KNTC1: variants seen among roughly 807,000 people sequenced by gnomAD.
The protein encoded by KNTC1 is kinetochore associated 1.
A neutral mutation model predicts 314.4 loss-of-function variants in KNTC1; 253 were observed. The observed-to-expected ratio is 0.80, with a 90% CI of 0.73 to 0.89. KNTC1 has a LOEUF of 0.89. Among genes scored for constraint, KNTC1 ranks in the 40% least tolerant of loss-of-function variants. KNTC1 has a pLI of 0.00. For missense variants in KNTC1, 2,475 were observed against 2,572.9 expected (o/e 0.96, Z 0.82); for synonymous variants, 901 against 901.4 (o/e 1.00, Z 0.01).
Position 122,573,041 on chromosome 12 carries a change from C to T in KNTC1, c.2124C>T (p.Leu708=), listed in dbSNP as rs754814840. ...LHRKYNCKLA[L]SDFEKENTTT... The stretch of plus-strand genomic sequence containing the variant: ...GGAAGTACAACTGCAAATTAGCCCT[C>T]TCTGATTTTGAGAAGGTAAAGTCCA... The change falls in exon 25 of 64, where the codon CTC becomes CTT. Residue 708 remains leucine (L), a synonymous_variant. Coordinates refer to ENST00000333479, the MANE Select transcript of KNTC1 (RefSeq NM_014708.6). The T allele has an allele frequency of 1.2e-6, 2 of 1,612,228 alleles. No homozygotes were observed. The highest frequency in any genetic ancestry group is 4.5e-5 in the East Asian group (2 of 44,842).
chr12:122,609,254 G>A, intron 51 of KNTC1, 130 bp from the exon 52 acceptor site: 2 of 673,038 alleles, frequency 3.0e-6, no homozygotes, highest in South Asian at 1.8e-5. Context: ...CATAATTTAT[G>A]TTATAATTTT....
chr12:122,624,282 T>G (rs1436379296), intron 62 of KNTC1, among the ~76,000 whole-genome samples: 3 of 150,508 alleles, frequency 2.0e-5, no homozygotes, highest in African/African-American at 7.3e-5. Context: ...TTTTCTTTTC[T>G]TTTTGAAATA....
intron 25 of KNTC1, 36 bp from the exon 26 acceptor site, chr12:122,573,106 A>C: frequency 6.2e-7 from 1 of 1,613,704 alleles, no homozygotes; most frequent in Non-Finnish European, 8.5e-7. Flanking sequence ...TTATGGGTAG[A>C]GTCTGTATTT....
chr12:122,582,986 G>C lies in KNTC1; in HGVS notation c.3263+1G>C. 6.2e-7 allele frequency: 1 copy of C among 1,603,036 alleles called. No homozygotes were observed. The highest frequency in any genetic ancestry group is 1.1e-5 in the South Asian group (1 of 90,380). Reference sequence around the variant, plus strand: ...TCAAAACAGCACTGAAAAAATGCAGGTGACATTCCAGATCCCTGAATTGCA... The same window carrying C: ...TCAAAACAGCACTGAAAAAATGCAGCTGACATTCCAGATCCCTGAATTGCA... On this transcript the variant is annotated splice_donor_variant, in intron 34 of 63. Transcript: ENST00000333479. LOFTEE classifies it high-confidence loss of function.
At position 122,590,846 on chromosome 12, in the gene KNTC1, G is replaced by A. The variant is rs939876856; in HGVS notation, c.4128+111G>A. 17 of 1,059,276 alleles carry A rather than the reference G, an allele frequency of 1.6e-5. No homozygotes were observed. In the East Asian group the frequency reaches 4.1e-4, roughly 25 times the overall value. 65.6% of individuals were successfully genotyped at this position (1,059,276 alleles called of 1,614,324 possible). On this transcript the variant is annotated intron_variant, in intron 41 of 63. Coordinates refer to ENST00000333479, the MANE Select transcript of KNTC1 (RefSeq NM_014708.6). ...AAAGATTTAGTAGAAGAAATGTTGA[G>A]CTAACTCGTGATTTCTACCAGCTTC... is the stretch of plus-strand genomic sequence containing the variant.
chr12:122,604,472 A>T (rs944799149), intron 48 of KNTC1, 92 bp from the exon 49 acceptor site: 3 of 695,342 alleles, frequency 4.3e-6, no homozygotes, highest in Non-Finnish European at 6.9e-6. Flanking sequence ...TGTAATTTTT[A>T]AAAAGTTGCT....
At chr12:122,556,004 C>T (rs758893922) in intron 16 of KNTC1, among the ~76,000 whole-genome samples, 1 of 151,960 alleles carries the variant, frequency 6.6e-6, no homozygotes, top group African/African-American at 2.4e-5. Context: ...ACATTTAAAA[C>T]CTACTCTTTT....
intron 16 of KNTC1, among the ~76,000 whole-genome samples, chr12:122,556,209 G>A (rs1342189573): frequency 3.3e-5 from 5 of 150,888 alleles, no homozygotes; most frequent in African/African-American, 1.2e-4. Context: ...GTAGAGACGG[G>A]GTTTTGCCAT....
intron 16 of KNTC1, among the ~76,000 whole-genome samples, chr12:122,552,990 G>C (rs1278233560): frequency 6.6e-6 from 1 of 151,628 alleles, no homozygotes; most frequent in African/African-American, 2.4e-5. Flanking sequence ...TAAAAATACT[G>C]TACTAACAAT....
At chr12:122,581,812 A>T (rs1406926858) in intron 33 of KNTC1, among the ~76,000 whole-genome samples, 1 of 152,196 alleles carries the variant, frequency 6.6e-6, no homozygotes, top group African/African-American at 2.4e-5. Context: ...TAATTTTGTT[A>T]AAATACTTAT....
At chr12:122,537,380 A>G (rs1452435193) in intron 3 of KNTC1, among the ~76,000 whole-genome samples, 1 of 150,526 alleles carries the variant, frequency 6.6e-6, no homozygotes, top group Admixed American at 6.6e-5. Context: ...ACCTTCTTAC[A>G]TGTCTCACAG....
chr12:122,589,850 T>C (rs1368495706), intron 40 of KNTC1, among the ~76,000 whole-genome samples: 3 of 144,636 alleles, frequency 2.1e-5, no homozygotes, highest in Non-Finnish European at 4.5e-5. Flanking sequence ...GTGGCGCGAT[T>C]TCGGCTCACT....
chr12:122,612,434 TGA>T (rs1242032399), intron 53 of KNTC1, among the ~76,000 whole-genome samples: 4 of 147,968 alleles, frequency 2.7e-5, no homozygotes, highest in South Asian at 4.2e-4. Context: ...TTTTTTTTTT[TGA>T]GAGAGAGTCT....
rs1873038316 is a variant in KNTC1, at chr12:122,610,843, T to G, written c.5565T>G (p.Ser1855=). 1.2e-6 allele frequency: 2 copies of G among 1,613,032 alleles called. No homozygotes were observed. The highest frequency in any genetic ancestry group is 1.7e-6 in the Non-Finnish European group (2 of 1,179,306). ...CCAGAGTGCAGTATCTCCTCCTGTCTCGTCCAATTGATTATAGTTCAAGAA... is the reference window on the plus strand; with the variant it reads ...CCAGAGTGCAGTATCTCCTCCTGTCGCGTCCAATTGATTATAGTTCAAGAA... ...ALRRVQYLLL[S]RPIDYSSRML... The change falls in exon 53 of 64, where the codon TCT becomes TCG. Residue 1855 remains serine (S), a synonymous_variant. Transcript: ENST00000333479.
intron 13 of KNTC1, among the ~76,000 whole-genome samples, chr12:122,550,179 G>GTAACTAATTTTCATATTTATA (rs1261573114): frequency 6.6e-6 from 1 of 152,092 alleles, no homozygotes; most frequent in African/African-American, 2.4e-5. Flanking sequence ...ACATATTTAT[G>GTAACTAATTTTCATATTTATA]TAACTAATTT....
At chr12:122,533,188 G>A (rs1354411599) in intron 2 of KNTC1, among the ~76,000 whole-genome samples, 1 of 150,466 alleles carries the variant, frequency 6.6e-6, no homozygotes, top group Non-Finnish European at 1.5e-5. Context: ...TTTTTTTGAG[G>A]CAGAGTCTTG....
chr12:122,622,243 A>G (rs1874517576), intron 61 of KNTC1, among the ~76,000 whole-genome samples: 1 of 152,212 alleles, frequency 6.6e-6, no homozygotes, highest in East Asian at 1.9e-4. Flanking sequence ...AAAGTGCACA[A>G]CAACAATTAC....
chr12:122,544,090 T>G, intron 7 of KNTC1, 69 bp from the exon 8 acceptor site: 1 of 660,016 alleles, frequency 1.5e-6, no homozygotes, highest in Non-Finnish European at 2.5e-6. Flanking sequence ...TGATATCAAC[T>G]GATTTTAGTG....
intron 1 of KNTC1, among the ~76,000 whole-genome samples, chr12:122,529,129 C>G (rs1254293469): frequency 6.6e-6 from 1 of 152,114 alleles, no homozygotes; most frequent in East Asian, 1.9e-4. Flanking sequence ...CAGGTGTGAG[C>G]CACCGCGCCG....
Sources: allele counts gnomAD v4.1 joint callset (sites outside exome capture counted in the v4.1 genomes callset), GRCh38; gene constraint gnomAD v4.1.1; transcripts MANE v1.5; gene names NCBI Gene and HGNC (gene_info 2026-07-23, HGNC 2026-07-21).